The following SLC14A2 variants were observed in gnomAD, a reference collection of about 807,000 sequenced individuals.
The protein encoded by SLC14A2 is urea transporter 2.
A neutral mutation model predicts 104.6 loss-of-function variants in SLC14A2; 91 were observed. The ratio of observed to expected loss-of-function variants is 0.87; its 90% confidence interval spans 0.73 to 1.04. The LOEUF (loss-of-function observed/expected upper bound fraction) is 1.04. SLC14A2 is among the 50% of genes least tolerant of loss of function. The pLI is 0.00. For missense variants in SLC14A2, 1,189 were observed against 1,156.0 expected, an observed-to-expected ratio of 1.03 and a Z score of -0.41; for synonymous variants, 476 against 466.4, an observed-to-expected ratio of 1.02 and a Z score of -0.27.
In SLC14A2 at chr18:45,360,875, A is replaced by G. The variant is rs73430002; in HGVS notation, c.-124-122358A>G. 1.8e-3 allele frequency among the ~76,000 whole-genome samples: 277 copies of G among 152,344 alleles called. 5 individuals carry two copies. Among genetic ancestry groups the G allele is most frequent in the African/African-American group, 6.3e-3 (261 of 41,584 alleles). On this transcript the variant is annotated intron_variant, in intron 1 of 20. Transcript: ENST00000586448. ...AAGGGGAGATTTTGTAGTGTTGTAC[A>G]TTGAAAGTTTATCTGAAACATTCCC...
chr18:45,441,443 C>T (rs145353640), intron 1 of SLC14A2, among the ~76,000 whole-genome samples: 224 of 152,282 alleles, frequency 1.5e-3, no homozygotes, highest in African/African-American at 1.4e-3. Flanking sequence ...TACCCAGGAC[C>T]GCCATGGATC....
intron 2 of SLC14A2, among the ~76,000 whole-genome samples, chr18:45,606,371 G>A (rs770954819): frequency 1.1e-4 from 17 of 152,058 alleles, no homozygotes; most frequent in Non-Finnish European, 2.5e-4. Context: ...AGAGATATAA[G>A]GGCTTACAAA....
At chr18:45,249,259 T>G (rs975695700) in intron 1 of SLC14A2, among the ~76,000 whole-genome samples, 1 of 152,090 alleles carries the variant, frequency 6.6e-6, no homozygotes, top group African/African-American at 2.4e-5. Flanking sequence ...TATAAAATTT[T>G]TTTTGCATAG....
intron 2 of SLC14A2, among the ~76,000 whole-genome samples, chr18:45,532,203 C>T (rs1451633518): frequency 1.1e-4 from 16 of 151,818 alleles, no homozygotes; most frequent in African/African-American, 2.9e-4. Flanking sequence ...TGGTTCCATA[C>T]GAACTTTAAA....
chr18:45,172,125 T>C, the SLC14A2 span, among the ~76,000 whole-genome samples: 3 of 152,098 alleles, frequency 2.0e-5, no homozygotes, highest in African/African-American at 7.2e-5. Flanking sequence ...CTCAAATAAT[T>C]ATTCCCTTAG....
At chr18:45,666,885 G>T (rs1004901518) in intron 12 of SLC14A2, 50 bp from the exon 13 acceptor site, 3 of 1,542,020 alleles carry the variant, frequency 1.9e-6, no homozygotes, top group African/African-American at 2.7e-5. Context: ...AATTCTCAGT[G>T]TAAGAACCAC....
intron 10 of SLC14A2, chr18:45,647,463 GGATTT>G (rs2045643933): frequency 6.6e-6 from 1 of 152,000 alleles, no homozygotes; most frequent in South Asian, 2.1e-4. Context: ...AAGCGATTTT[GGATTT>G]ATTTGTCCTT....
At chr18:45,566,095 G>T (rs1033804671) in intron 2 of SLC14A2, among the ~76,000 whole-genome samples, 16 of 152,170 alleles carry the variant, frequency 1.1e-4, no homozygotes, top group Non-Finnish European at 7.4e-5. Context: ...TGACAGGTAA[G>T]GAAATAAAAA....
chr18:45,177,161 T>A, the SLC14A2 span, among the ~76,000 whole-genome samples: 1 of 152,154 alleles, frequency 6.6e-6, no homozygotes, highest in South Asian at 2.1e-4. Flanking sequence ...CTTCATAAAA[T>A]CTCTCCATTC....
At chr18:45,178,609 A>G in the SLC14A2 span, among the ~76,000 whole-genome samples, 2 of 152,214 alleles carry the variant, frequency 1.3e-5, no homozygotes, top group African/African-American at 4.8e-5. Flanking sequence ...CACTAGTAAA[A>G]TATGCAATGA....
At chr18:45,185,000 C>T in the SLC14A2 span, among the ~76,000 whole-genome samples, 3 of 152,118 alleles carry the variant, frequency 2.0e-5, no homozygotes, top group East Asian at 1.9e-4. Flanking sequence ...GACGTATGTG[C>T]TAGTATTTTA....
chr18:45,293,949 C>A (rs1009363256), intron 1 of SLC14A2, among the ~76,000 whole-genome samples: 1 of 152,074 alleles, frequency 6.6e-6, no homozygotes. Context: ...GAGCGAGATG[C>A]GAAACAAATA....
At chr18:45,192,642 T>TTTTTGTTTTGTTTTGTTTTG in the SLC14A2 span, among the ~76,000 whole-genome samples, 17 of 144,832 alleles carry the variant, frequency 1.2e-4, no homozygotes, top group South Asian at 2.2e-4. Flanking sequence ...GTGTGGTTTT[T>TTTTTGTTTTGTTTTGTTTTG]TTTTGTTTTG....
intron 1 of SLC14A2, among the ~76,000 whole-genome samples, chr18:45,318,196 A>G (rs1480105163): frequency 6.6e-6 from 1 of 152,190 alleles, no homozygotes; most frequent in Non-Finnish European, 1.5e-5. Context: ...AGACGGCAAC[A>G]AAGGCCCAAG....
At chr18:45,446,388 GCT>G (rs1263155492) in intron 1 of SLC14A2, among the ~76,000 whole-genome samples, 1 of 152,136 alleles carries the variant, frequency 6.6e-6, no homozygotes, top group Non-Finnish European at 1.5e-5. Context: ...AAAGACCAGA[GCT>G]CTCTCTTTCC....
chr18:45,411,484 A>G (rs1468960), intron 1 of SLC14A2, among the ~76,000 whole-genome samples: 87,651 of 152,020 alleles, frequency 0.58, 25,335 homozygotes, highest in Admixed American at 0.62. Flanking sequence ...TGTGAGCACA[A>G]AACAGATTTG....
intron 1 of SLC14A2, among the ~76,000 whole-genome samples, chr18:45,401,776 C>T (rs546632072): frequency 9.3e-4 from 141 of 152,144 alleles, no homozygotes; most frequent in African/African-American, 3.1e-3. Context: ...GTGGCAGTAA[C>T]GTAATGGTAG....
intron 1 of SLC14A2, among the ~76,000 whole-genome samples, chr18:45,375,949 G>A (rs991975589): frequency 6.6e-6 from 1 of 152,160 alleles, no homozygotes; most frequent in South Asian, 2.1e-4. Flanking sequence ...CCACTGGCCA[G>A]GACAAGCTGG....
chr18:45,202,172 C>T, the SLC14A2 span, among the ~76,000 whole-genome samples: 2 of 152,034 alleles, frequency 1.3e-5, no homozygotes, highest in African/African-American at 4.8e-5. Flanking sequence ...TTTATGTGTG[C>T]CCAGACTCCA....
Sources: gnomAD v4.1 joint callset for allele counts (sites outside exome capture counted in the v4.1 genomes callset) on GRCh38, gnomAD v4.1.1 for gene constraint, MANE v1.5 for transcripts, NCBI Gene and HGNC (gene_info 2026-07-23, HGNC 2026-07-21) for gene names.